Variants in ABHD17C observed in about 807,000 individuals in gnomAD.
ABHD17C encodes alpha/beta hydrolase domain-containing protein 17C.
ABHD17C carries 11 observed loss-of-function variants against 27.9 expected under a neutral mutation model. The ratio of observed to expected loss-of-function variants is 0.39; its 90% CI spans 0.25 to 0.65. ABHD17C has a LOEUF of 0.65. ABHD17C is among the 30% of genes least tolerant of loss of function. The pLI is 0.45. For missense variants in ABHD17C, 280 were observed against 470.2 expected (o/e 0.60, Z 3.74); for synonymous variants, 233 against 209.1 (o/e 1.11, Z -0.98).
At chr15:80,745,491 C>T (rs974730990) in intron 1 of ABHD17C, among the ~76,000 whole-genome samples, 11 of 152,034 alleles carry the variant, frequency 7.2e-5, no homozygotes, top group African/African-American at 2.7e-4. Flanking sequence ...ACCTCAGCCT[C>T]CCAAGTAGTT....
At chr15:80,747,204 T>G (rs1054495313) in intron 1 of ABHD17C, among the ~76,000 whole-genome samples, 8 of 152,178 alleles carry the variant, frequency 5.3e-5, no homozygotes, top group Non-Finnish European at 1.0e-4. Flanking sequence ...TTGGAGGCTC[T>G]CTCTCTCCAG....
At position 80,755,136 on chromosome 15, in the gene ABHD17C, T is replaced by C. The variant is rs1364620238; in HGVS notation, c.*766T>C. On this transcript the variant is annotated 3_prime_UTR_variant, in exon 3 of 3. Transcript: ENST00000258884. ...TATTTGCAATCACATTGTGCATAGA[T>C]TCTTAATGGTAGATATGATTTCTTT... 1.3e-5 allele frequency: 2 copies of C among 152,218 alleles called. No individual in the cohort carries two copies. Among genetic ancestry groups the C allele is most frequent in the African/African-American group, 2.4e-5 (1 of 41,448 alleles). 9.4% of individuals were successfully genotyped at this position (152,218 alleles called of 1,614,324 possible).
intron 1 of ABHD17C, among the ~76,000 whole-genome samples, chr15:80,719,148 C>T (rs886601387): frequency 5.9e-5 from 9 of 152,126 alleles, no homozygotes; most frequent in African/African-American, 4.8e-5. Flanking sequence ...GACAATGTAA[C>T]GAGTCAAACA....
At chr15:80,711,973 T>C (rs970129177) in intron 1 of ABHD17C, among the ~76,000 whole-genome samples, 3 of 152,204 alleles carry the variant, frequency 2.0e-5, no homozygotes, top group Non-Finnish European at 4.4e-5. Flanking sequence ...CTTTCTTTGC[T>C]CTTAACCTGC....
At chr15:80,702,560 C>A (rs1894588876) in intron 1 of ABHD17C, 1 of 152,204 alleles carries the variant, frequency 6.6e-6, no homozygotes, top group Admixed American at 6.5e-5. Context: ...CCTTTAAGGT[C>A]ATTCCCTACC....
intron 1 of ABHD17C, among the ~76,000 whole-genome samples, chr15:80,704,194 C>A (rs541881585): frequency 3.9e-5 from 6 of 152,238 alleles, no homozygotes; most frequent in African/African-American, 1.4e-4. Context: ...AAACCACATT[C>A]GTATTTGTGA....
At chr15:80,720,705 G>A (rs183075893) in intron 1 of ABHD17C, among the ~76,000 whole-genome samples, 59 of 152,286 alleles carry the variant, frequency 3.9e-4, no homozygotes, top group African/African-American at 1.4e-3. Context: ...CGGATCACCT[G>A]AGGTCAGGAG....
At chr15:80,702,215 G>A (rs1032373542) in intron 1 of ABHD17C, among the ~76,000 whole-genome samples, 1 of 152,186 alleles carries the variant, frequency 6.6e-6, no homozygotes, top group African/African-American at 2.4e-5. Context: ...GTCAGGCACG[G>A]TGACACAGCC....
intron 1 of ABHD17C, among the ~76,000 whole-genome samples, chr15:80,698,641 C>T (rs1244656072): frequency 1.3e-5 from 2 of 152,214 alleles, no homozygotes; most frequent in Non-Finnish European, 2.9e-5. Flanking sequence ...GCCAATCAGC[C>T]CCTCAACCAC....
intron 2 of ABHD17C, among the ~76,000 whole-genome samples, chr15:80,753,065 T>C (rs1596075901): frequency 1.3e-5 from 2 of 152,174 alleles, no homozygotes; most frequent in East Asian, 3.8e-4. Context: ...TTTGAGTCAA[T>C]TCTGATGGTA....
chr15:80,706,136 A>G (rs903931270), intron 1 of ABHD17C, among the ~76,000 whole-genome samples: 1 of 152,324 alleles, frequency 6.6e-6, no homozygotes, highest in East Asian at 1.9e-4. Flanking sequence ...TGGCCAGGGG[A>G]CCTGAACAGC....
intron 1 of ABHD17C, among the ~76,000 whole-genome samples, chr15:80,697,035 G>C (rs1335802788): frequency 6.6e-6 from 1 of 152,128 alleles, no homozygotes; most frequent in Non-Finnish European, 1.5e-5. Flanking sequence ...TGTCGCCATG[G>C]ACCCTTCTAT....
chr15:80,706,363 G>C (rs1053321765), intron 1 of ABHD17C, among the ~76,000 whole-genome samples: 1 of 152,172 alleles, frequency 6.6e-6, no homozygotes, highest in Non-Finnish European at 1.5e-5. Flanking sequence ...GATAGTTAAC[G>C]GTTGTACGTC....
intron 1 of ABHD17C, among the ~76,000 whole-genome samples, chr15:80,727,601 GGGGAAGAAA>G (rs1416204564): frequency 1.3e-5 from 2 of 152,032 alleles, no homozygotes; most frequent in African/African-American, 4.8e-5. Context: ...AGCAAAAGGT[GGGGAAGAAA>G]GGGAACAGTA....
chr15:80,713,900 C>CCACACA (rs58311304), intron 1 of ABHD17C, among the ~76,000 whole-genome samples: 15,733 of 140,984 alleles, frequency 0.11, 921 homozygotes, highest in Middle Eastern at 0.18. Context: ...CATATACAGA[C>CCACACA]CACACACACA....
chr15:80,732,716 T>G (rs1895073564), intron 1 of ABHD17C, among the ~76,000 whole-genome samples: 1 of 152,204 alleles, frequency 6.6e-6, no homozygotes, highest in South Asian at 2.1e-4. Context: ...AAGGGCTGCT[T>G]CGCTGCTTCA....
At chr15:80,711,371 C>T (rs1371182600) in intron 1 of ABHD17C, among the ~76,000 whole-genome samples, 1 of 152,142 alleles carries the variant, frequency 6.6e-6, no homozygotes, top group African/African-American at 2.4e-5. Context: ...AGAGTGATCG[C>T]TCATTTCCCC....
Position 80,754,223 on chromosome 15 carries a change from C to T in ABHD17C, c.843C>T (p.Phe281=), listed in dbSNP as rs1263075576. Reference sequence around the variant, plus strand: ...GTACAGAGGATGAGGTCATCGATTTCTCCCATGGCCTAGCGATGTACGAGC... The same window carrying T: ...GTACAGAGGATGAGGTCATCGATTTTTCCCATGGCCTAGCGATGTACGAGC... ...IHGTEDEVID[F]SHGLAMYERC... Residue 281 remains phenylalanine, a synonymous_variant, in exon 3 of 3, where the codon TTC becomes TTT. Transcript: ENST00000258884. 4 of 1,613,862 alleles carry T rather than the reference C, an allele frequency of 2.5e-6. No homozygotes were observed. Among genetic ancestry groups the T allele is most frequent in the Non-Finnish European group, 3.4e-6 (4 of 1,179,894 alleles).
chr15:80,733,202 G>A (rs943464993), intron 1 of ABHD17C, among the ~76,000 whole-genome samples: 1 of 151,948 alleles, frequency 6.6e-6, no homozygotes. Flanking sequence ...CCCTGTCCCC[G>A]ACCTCCTCAT....
Sources: allele counts gnomAD v4.1 joint callset (sites outside exome capture counted in the v4.1 genomes callset), GRCh38; gene constraint gnomAD v4.1.1; transcripts MANE v1.5; gene names NCBI Gene and HGNC (gene_info 2026-07-23, HGNC 2026-07-21).